The following DAZAP2 variants were observed in gnomAD, a reference collection of about 807,000 sequenced individuals.
DAZAP2 encodes the protein DAZ-associated protein 2.
Under a neutral mutation model 16.2 loss-of-function variants are expected in DAZAP2, and 3 were observed. The observed-to-expected ratio is 0.19, with a 90% CI of 0.08 to 0.48. The LOEUF is 0.48. DAZAP2 is among the 20% of genes least tolerant of loss of function. The pLI is 0.98. For synonymous variants in DAZAP2, 69 were observed against 77.6 expected (o/e 0.89, Z 0.58); for missense variants, 172 against 215.9 (o/e 0.80, Z 1.27).
At chr12:51,241,979 A>G in intron 3 of DAZAP2, among the ~76,000 whole-genome samples, 1 of 152,078 alleles carries the variant, frequency 6.6e-6, no homozygotes, top group Non-Finnish European at 1.5e-5. Context: ...ACCATGTGGG[A>G]TTCATACATG....
rs1179720051 is a variant in DAZAP2 at position 51,243,270 on chromosome 12, A to G, written c.*812A>G. 1 of 985,828 alleles carries G rather than the reference A, an allele frequency of 1.0e-6. No individual in the cohort carries two copies. The highest frequency in any genetic ancestry group is 1.2e-6 in the Non-Finnish European group (1 of 830,024). The allele number at this position is 985,828 out of a possible 1,614,324, so 61.1% of individuals were successfully genotyped here. A position where few individuals can be genotyped will look rare whatever the true frequency, so the allele number is the denominator to read the frequency against. On this transcript the variant is annotated 3_prime_UTR_variant, in exon 4 of 4. Transcript: ENST00000412716. ...TATGTTTGAACAAAGATGTCGTGCA[A>G]ACTGTACTGTGAACAACAGTTGGTT...
Position 51,240,438 on chromosome 12 carries a change from G to A in DAZAP2, c.109G>A (p.Asp37Asn), listed in dbSNP as rs1450126076. Residue 37 changes from aspartate (D) to asparagine (N), a missense_variant, in exon 2 of 4, where the codon GAT (aspartate) becomes AAT (asparagine). Transcript: ENST00000412716. ...LHLPQAPPYT[D>N]APPAYSELYR... ...TCTTCCTCAGGCTCCACCCTATACC[G>A]ATGCTCCACCTGCCTACTCAGAGGT... The A allele has an allele frequency of 9.3e-6, 15 of 1,613,816 alleles. No homozygotes were observed. Among genetic ancestry groups the A allele is most frequent in the African/African-American group, 1.3e-5 (1 of 74,830 alleles).
downstream of DAZAP2, chr12:51,246,230 TTAAC>T (rs1338923068): frequency 6.8e-7 from 1 of 1,466,666 alleles, no homozygotes; most frequent in Admixed American, 2.3e-5. Context: ...CTTGTTTTCA[TTAAC>T]TAGTGTCCAC....
downstream of DAZAP2, chr12:51,245,858 G>C (rs1042055347): frequency 1.2e-5 from 17 of 1,469,418 alleles, no homozygotes; most frequent in Non-Finnish European, 1.6e-5. Context: ...CTTCTCCCTG[G>C]CTTCAGAGAA....
chr12:51,243,471 G>A lies in DAZAP2; in HGVS notation c.*1013G>A. The A allele has an allele frequency of 1.0e-6, 1 of 985,826 alleles. No individual in the cohort carries two copies. The highest frequency in any genetic ancestry group is 4.7e-5 in the South Asian group (1 of 21,290). 61.1% of individuals were successfully genotyped at this position (985,826 alleles called of 1,614,324 possible). On this transcript the variant is annotated 3_prime_UTR_variant, in exon 4 of 4. Transcript: ENST00000412716. ...TAGACTGGGTTAATAGGGTCATATT[G>A]TGAATGTCTCACTACAAAATGACTT...
At position 51,238,832 on chromosome 12, in the gene DAZAP2, G is replaced by C; in HGVS notation, c.-76G>C. On this transcript the variant is annotated 5_prime_UTR_variant, in exon 1 of 4. Coordinates refer to ENST00000412716, the MANE Select transcript of DAZAP2 (RefSeq NM_014764.4). Reference sequence around the variant, plus strand: ...GGCGGACGGACCATCATGTGACACGGAAGTAGCTCCGAACAGGAAGAGGAC... The same window carrying C: ...GGCGGACGGACCATCATGTGACACGCAAGTAGCTCCGAACAGGAAGAGGAC... The C allele has an allele frequency of 1.9e-6, 3 of 1,609,834 alleles. No individual in the cohort carries two copies. Among genetic ancestry groups the C allele is most frequent in the East Asian group, 4.5e-5 (2 of 44,832 alleles).
At position 51,242,781 on chromosome 12, in the gene DAZAP2, CA is replaced by C; in HGVS notation, c.*326del. 7.1e-7 allele frequency: 1 copy of C among 1,406,900 alleles called. No individual in the cohort carries two copies. The highest frequency in any genetic ancestry group is 1.5e-5 in the African/African-American group (1 of 68,726). 87.2% of individuals were successfully genotyped at this position (1,406,900 alleles called of 1,614,324 possible). ...GTCTTTGCTTTTAGTAATAAAACATCAAATTAGGTTTGGAGGGAACTTTGAT... is the reference window on the plus strand; with the variant it reads ...GTCTTTGCTTTTAGTAATAAAACATCAATTAGGTTTGGAGGGAACTTTGAT... On this transcript the variant is annotated 3_prime_UTR_variant, in exon 4 of 4. Coordinates refer to ENST00000412716, the MANE Select transcript of DAZAP2 (RefSeq NM_014764.4).
downstream of DAZAP2, chr12:51,246,589 C>A (rs1030849932): frequency 1.2e-5 from 6 of 511,538 alleles, no homozygotes; most frequent in Admixed American, 2.4e-4. Context: ...ACAGAAGCCT[C>A]CGAGTCTTTT....
downstream of DAZAP2, chr12:51,246,037 G>T: frequency 6.2e-7 from 1 of 1,613,958 alleles, no homozygotes; most frequent in South Asian, 1.1e-5. Flanking sequence ...CATAGGTGAC[G>T]TAGCTGCCTT....
At chr12:51,242,008 G>T (rs573301079) in intron 3 of DAZAP2, among the ~76,000 whole-genome samples, 11 of 152,290 alleles carry the variant, frequency 7.2e-5, no homozygotes, top group Non-Finnish European at 1.2e-4. Flanking sequence ...CCCTGTCCCT[G>T]TTTTGGGAAT....
At position 51,242,576 on chromosome 12, in the gene DAZAP2, G is replaced by A. The variant is rs1944697089; in HGVS notation, c.*118G>A. 6.2e-7 allele frequency: 1 copy of A among 1,609,040 alleles called. No homozygotes were observed. Among genetic ancestry groups the A allele is most frequent in the Admixed American group, 1.7e-5 (1 of 58,592 alleles). On this transcript the variant is annotated 3_prime_UTR_variant, in exon 4 of 4. Transcript: ENST00000412716. ...CAGTTTAGACACATGTTGTTGGGGT[G>A]TCTTTCTGGTGCCCAAACTTTCAGG...
chr12:51,246,216 T>C, downstream of DAZAP2: 1 of 1,516,168 alleles, frequency 6.6e-7, no homozygotes, highest in South Asian at 1.3e-5. Context: ...TTCGTAAAGA[T>C]CCTCTTGTTT....
rs1044302342 is a variant in DAZAP2, at chr12:51,242,252, C to T, written c.379-78C>T. ...TGGTTAGCACATTGCCTCATCCTAA[C>T]AGGCCTCTGCTTCCCCTATGTCCCC... On this transcript the variant is annotated intron_variant, in intron 3 of 3. Transcript: ENST00000412716. 4.6e-6 allele frequency: 7 copies of T among 1,507,738 alleles called. No homozygotes were observed. In the African/African-American group the frequency reaches 5.6e-5, roughly 12 times the overall value. The allele number at this position is 1,507,738 out of a possible 1,614,324, so 93.4% of individuals were successfully genotyped here. A position where few individuals can be genotyped will look rare whatever the true frequency, so the allele number is the denominator to read the frequency against.
At chr12:51,239,156 C>G in intron 1 of DAZAP2, 1 of 549,288 alleles carries the variant, frequency 1.8e-6, no homozygotes, top group Non-Finnish European at 3.1e-6. Flanking sequence ...GCTGCGGGCT[C>G]GGGTGGTGGG....
chr12:51,241,409 C>T (rs1016888328), intron 3 of DAZAP2, among the ~76,000 whole-genome samples: 2 of 152,152 alleles, frequency 1.3e-5, no homozygotes, highest in Non-Finnish European at 2.9e-5. Flanking sequence ...GCTCCTTATT[C>T]ATTCCATAAG....
downstream of DAZAP2, chr12:51,246,208 C>T (rs11169777): frequency 1.2e-3 from 1,902 of 1,529,994 alleles, 18 homozygotes; most frequent in African/African-American, 0.021. Context: ...TCACTGTTTT[C>T]GTAAAGATCC....
intron 1 of DAZAP2, chr12:51,239,188 C>T (rs1944614975): frequency 2.0e-6 from 1 of 494,530 alleles, no homozygotes; most frequent in East Asian, 3.8e-5. Flanking sequence ...TGATGGGCAT[C>T]CGCAGGAGCA....
Position 51,238,868 on chromosome 12 carries a change from A to G in DAZAP2, c.-40A>G. On this transcript the variant is annotated 5_prime_UTR_variant, in exon 1 of 4. Coordinates refer to ENST00000412716, the MANE Select transcript of DAZAP2 (RefSeq NM_014764.4). ...GAACAGGAAGAGGACGAAAAAAATAACCGTCCGCGACGCCGAGACAAACCG... is the reference window on the plus strand; with the variant it reads ...GAACAGGAAGAGGACGAAAAAAATAGCCGTCCGCGACGCCGAGACAAACCG... 6.2e-7 allele frequency: 1 copy of G among 1,612,726 alleles called. No homozygotes were observed. Among genetic ancestry groups the G allele is most frequent in the South Asian group, 1.1e-5 (1 of 91,074 alleles).
At chr12:51,241,542 TATC>T (rs1206061201) in intron 3 of DAZAP2, among the ~76,000 whole-genome samples, 64 of 152,316 alleles carry the variant, frequency 4.2e-4, no homozygotes, top group African/African-American at 1.3e-3. Flanking sequence ...CAATTTTAGT[TATC>T]ATTTTTTCCT....
Sources: gnomAD v4.1 joint callset for allele counts (sites outside exome capture counted in the v4.1 genomes callset) on GRCh38, gnomAD v4.1.1 for gene constraint, MANE v1.5 for transcripts, NCBI Gene and HGNC (gene_info 2026-07-23, HGNC 2026-07-21) for gene names.